FTCDNL1: variants seen among roughly 807,000 people sequenced by gnomAD.
FTCDNL1 encodes formiminotransferase cyclodeaminase N-terminal like.
FTCDNL1 carries 11 observed loss-of-function variants against 5.9 expected under a neutral mutation model. The observed-to-expected ratio is 1.87, with a 90% CI of 1.18 to 3.10. The LOEUF is 3.10. Ranked by LOEUF, FTCDNL1 falls within the 30% of genes most tolerant of loss-of-function variation. The pLI is 0.00. For synonymous variants in FTCDNL1, 58 were observed against 24.8 expected (o/e 2.34, Z -3.99); for missense variants, 115 against 65.5 (o/e 1.76, Z -2.61).
At chr2:199,691,733 CATT>C in the FTCDNL1 span, among the ~76,000 whole-genome samples, 4 of 152,184 alleles carry the variant, frequency 2.6e-5, no homozygotes, top group African/African-American at 9.7e-5. Context: ...TACGGTCAAT[CATT>C]ATCATGGTAG....
the FTCDNL1 span, among the ~76,000 whole-genome samples, chr2:199,682,292 A>G: frequency 5.3e-5 from 8 of 152,242 alleles, no homozygotes; most frequent in East Asian, 1.4e-3. Context: ...CCTGAACTGC[A>G]ATGTTGGCTC....
At chr2:199,740,455 C>A in the FTCDNL1 span, among the ~76,000 whole-genome samples, 1 of 152,196 alleles carries the variant, frequency 6.6e-6, no homozygotes, top group South Asian at 2.1e-4. Context: ...CTCTTGCCCC[C>A]TAATCTGAGC....
At position 199,792,303 on chromosome 2, in the gene FTCDNL1, C is replaced by T. The variant is rs777141606; in HGVS notation, c.212-31468G>A. On this transcript the variant is annotated intron_variant, in intron 3 of 3. Coordinates refer to the FTCDNL1 transcript ENST00000416668. Reference sequence around the variant, plus strand: ...ATACTAGATTTTAAAGTACATTGAACGTTATTTCTCACCAGAGATCTCACT... The same window carrying T: ...ATACTAGATTTTAAAGTACATTGAATGTTATTTCTCACCAGAGATCTCACT... Among the ~76,000 whole-genome samples the T allele has an allele frequency of 4.6e-5, 7 of 152,150 alleles. No homozygotes were observed. In the East Asian group the frequency reaches 9.7e-4, roughly 21 times the overall value.
chr2:199,769,813 C>T (rs1183047218), intron 3 of FTCDNL1, among the ~76,000 whole-genome samples: 1 of 152,166 alleles, frequency 6.6e-6, no homozygotes, highest in Non-Finnish European at 1.5e-5. Context: ...TCAGCCCTGG[C>T]AACACCTGTG....
the FTCDNL1 span, among the ~76,000 whole-genome samples, chr2:199,700,554 A>C: frequency 1.3e-5 from 2 of 152,334 alleles, no homozygotes; most frequent in East Asian, 3.9e-4. Context: ...TTCTAAAATT[A>C]ATATGGAATC....
chr2:199,826,340 A>G (rs1702028998), intron 3 of FTCDNL1, among the ~76,000 whole-genome samples: 1 of 151,914 alleles, frequency 6.6e-6, no homozygotes, highest in African/African-American at 2.4e-5. Flanking sequence ...ATTGAATACC[A>G]TTTCTGCTCC....
At chr2:199,734,373 T>C in the FTCDNL1 span, among the ~76,000 whole-genome samples, 1 of 152,238 alleles carries the variant, frequency 6.6e-6, no homozygotes, top group Non-Finnish European at 1.5e-5. Context: ...CCAACTTTTT[T>C]ACTTTCTTTA....
intron 3 of FTCDNL1, among the ~76,000 whole-genome samples, chr2:199,780,623 G>C (rs1026141034): frequency 6.6e-6 from 1 of 152,148 alleles, no homozygotes; most frequent in Non-Finnish European, 1.5e-5. Context: ...TTTGTCCCTA[G>C]GTAGCACTTC....
At chr2:199,717,290 C>T in the FTCDNL1 span, among the ~76,000 whole-genome samples, 1 of 152,092 alleles carries the variant, frequency 6.6e-6, no homozygotes, top group African/African-American at 2.4e-5. Flanking sequence ...CTTCAGCTTC[C>T]CATCAACACA....
chr2:199,762,030 T>A (rs1374048820), intron 3 of FTCDNL1, among the ~76,000 whole-genome samples: 3 of 152,118 alleles, frequency 2.0e-5, no homozygotes, highest in Non-Finnish European at 4.4e-5. Flanking sequence ...TAAAATACAC[T>A]AACACTAACG....
At chr2:199,664,158 G>T in the FTCDNL1 span, among the ~76,000 whole-genome samples, 1 of 151,832 alleles carries the variant, frequency 6.6e-6, no homozygotes, top group Non-Finnish European at 1.5e-5. Context: ...AATAAAGATC[G>T]GTGATATTGT....
At chr2:199,713,824 T>C in the FTCDNL1 span, among the ~76,000 whole-genome samples, 2 of 152,192 alleles carry the variant, frequency 1.3e-5, no homozygotes, top group Non-Finnish European at 2.9e-5. Flanking sequence ...ATTGGACTAA[T>C]TTTATATTAA....
intron 3 of FTCDNL1, among the ~76,000 whole-genome samples, chr2:199,789,408 T>C (rs1407679829): frequency 1.3e-5 from 2 of 152,158 alleles, no homozygotes; most frequent in African/African-American, 4.8e-5. Flanking sequence ...CAAGATGTTA[T>C]TTGATATAAT....
chr2:199,717,218 A>G, the FTCDNL1 span, among the ~76,000 whole-genome samples: 2 of 152,216 alleles, frequency 1.3e-5, no homozygotes, highest in African/African-American at 4.8e-5. Flanking sequence ...TAGAAGCTAC[A>G]GAAGATATTG....
chr2:199,712,884 C>A, the FTCDNL1 span, among the ~76,000 whole-genome samples: 1 of 152,172 alleles, frequency 6.6e-6, no homozygotes, highest in African/African-American at 2.4e-5. Flanking sequence ...TGCAGTATGA[C>A]CTTACCTTCA....
the FTCDNL1 span, among the ~76,000 whole-genome samples, chr2:199,700,704 G>T: frequency 6.6e-6 from 1 of 152,086 alleles, no homozygotes; most frequent in Non-Finnish European, 1.5e-5. Flanking sequence ...CAGACACATA[G>T]AACAAGTTAA....
the FTCDNL1 span, among the ~76,000 whole-genome samples, chr2:199,711,485 AT>A: frequency 2.0e-5 from 3 of 151,920 alleles, no homozygotes; most frequent in Non-Finnish European, 2.9e-5. Context: ...TTTTTCAATC[AT>A]TTTTCCCTCA....
chr2:199,798,570 C>T (rs191496592), intron 3 of FTCDNL1, among the ~76,000 whole-genome samples: 138 of 152,298 alleles, frequency 9.1e-4, no homozygotes, highest in Non-Finnish European at 1.3e-3. Flanking sequence ...TCCCTCACTT[C>T]CTTGAAAGAG....
At chr2:199,806,012 T>C (rs982379059), downstream of FTCDNL1, among the ~76,000 whole-genome samples, 20 of 152,010 alleles carry the variant, frequency 1.3e-4, no homozygotes, top group African/African-American at 4.8e-4. Context: ...ATTAGTCCCA[T>C]GTTTAGGTCT....
Sources: gnomAD v4.1 joint callset for allele counts (sites outside exome capture counted in the v4.1 genomes callset) on GRCh38, gnomAD v4.1.1 for gene constraint, MANE v1.5 for transcripts, NCBI Gene and HGNC (gene_info 2026-07-23, HGNC 2026-07-21) for gene names.